SHISA9: variants seen among roughly 807,000 people sequenced by gnomAD.
The protein encoded by SHISA9 is protein shisa-9.
A neutral mutation model predicts 38.0 loss-of-function variants in SHISA9; 13 were observed. The ratio of observed to expected loss-of-function variants is 0.34; its 90% confidence interval spans 0.22 to 0.54. The LOEUF (loss-of-function observed/expected upper bound fraction) is 0.54, where lower values mean the gene tolerates loss of function less well. SHISA9 is among the 20% of genes least tolerant of loss of function. The probability of loss-of-function intolerance (pLI) is 0.91; values close to 1 mark genes in which losing one functional copy is unlikely to be tolerated. For synonymous variants in SHISA9, 275 were observed against 242.0 expected (o/e 1.14, Z -1.27); for missense variants, 538 against 575.8 (o/e 0.93, Z 0.67).
chr16:13,065,214 C>G (rs550194821), intron 2 of SHISA9, among the ~76,000 whole-genome samples: 2 of 152,298 alleles, frequency 1.3e-5, no homozygotes, highest in East Asian at 1.9e-4. Flanking sequence ...TGGCAATGAT[C>G]TCACTTTATT....
chr16:13,312,664 A>C, the SHISA9 span, among the ~76,000 whole-genome samples: 1 of 152,178 alleles, frequency 6.6e-6, no homozygotes, highest in African/African-American at 2.4e-5. Flanking sequence ...AATAGCAAAT[A>C]ATTTTCATAG....
chr16:13,178,794 T>C (rs878872172), intron 2 of SHISA9, among the ~76,000 whole-genome samples: 3 of 152,132 alleles, frequency 2.0e-5, no homozygotes, highest in Admixed American at 2.0e-4. Context: ...CATACATTAA[T>C]TAGCCAGCTT....
chr16:13,148,627 GAC>G (rs2050469284), intron 2 of SHISA9, among the ~76,000 whole-genome samples: 1 of 149,434 alleles, frequency 6.7e-6, no homozygotes, highest in Non-Finnish European at 1.5e-5. Flanking sequence ...ACATCTCATA[GAC>G]ACACACATTC....
chr16:13,542,524 G>C, the SHISA9 span, among the ~76,000 whole-genome samples: 1 of 152,202 alleles, frequency 6.6e-6, no homozygotes, highest in Admixed American at 6.5e-5. Context: ...GATAGATCAA[G>C]CTCACACCTG....
intron 2 of SHISA9, among the ~76,000 whole-genome samples, chr16:13,137,495 T>C (rs567044708): frequency 6.6e-6 from 1 of 151,996 alleles, no homozygotes; most frequent in African/African-American, 2.4e-5. Context: ...CTCAATCTGT[T>C]ACCAGGCTGG....
chr16:13,200,178 C>T (rs146697017), intron 2 of SHISA9, among the ~76,000 whole-genome samples: 1,644 of 152,202 alleles, frequency 0.011, 28 homozygotes, highest in African/African-American at 0.037. Flanking sequence ...TTATTTGCTT[C>T]TTCTTGTTCT....
At chr16:13,533,248 T>G in the SHISA9 span, among the ~76,000 whole-genome samples, 1 of 152,144 alleles carries the variant, frequency 6.6e-6, no homozygotes, top group African/African-American at 2.4e-5. Flanking sequence ...GGGGACACCT[T>G]TAACGCTCTT....
chr16:13,195,605 G>A (rs924069240), intron 2 of SHISA9, among the ~76,000 whole-genome samples: 1 of 152,120 alleles, frequency 6.6e-6, no homozygotes, highest in East Asian at 1.9e-4. Flanking sequence ...GAAAAAAGGG[G>A]AAAATAGAAT....
the SHISA9 span, among the ~76,000 whole-genome samples, chr16:13,450,811 A>C: frequency 1.3e-5 from 2 of 152,146 alleles, no homozygotes; most frequent in Non-Finnish European, 2.9e-5. Context: ...CTTCTTTAAC[A>C]TGTGCTAGCG....
At chr16:13,499,475 G>C in the SHISA9 span, among the ~76,000 whole-genome samples, 1 of 152,144 alleles carries the variant, frequency 6.6e-6, no homozygotes, top group Non-Finnish European at 1.5e-5. Flanking sequence ...TCTACAAATT[G>C]TGAGTACATA....
chr16:13,259,585 G>T, the SHISA9 span, among the ~76,000 whole-genome samples: 2 of 152,228 alleles, frequency 1.3e-5, no homozygotes, highest in African/African-American at 2.4e-5. Flanking sequence ...ATGCATCCAA[G>T]AGTTTCCACA....
At chr16:13,165,273 G>T (rs2050626108) in intron 2 of SHISA9, among the ~76,000 whole-genome samples, 2 of 151,868 alleles carry the variant, frequency 1.3e-5, no homozygotes, top group African/African-American at 4.8e-5. Context: ...TTCATATTTT[G>T]CTGTCTGTTT....
At chr16:13,400,557 A>G in the SHISA9 span, among the ~76,000 whole-genome samples, 2 of 152,332 alleles carry the variant, frequency 1.3e-5, no homozygotes, top group East Asian at 3.9e-4. Flanking sequence ...CACCATGTCT[A>G]ACAGGAGGGC....
At chr16:13,497,511 C>T in the SHISA9 span, among the ~76,000 whole-genome samples, 3 of 151,856 alleles carry the variant, frequency 2.0e-5, no homozygotes, top group Admixed American at 2.0e-4. Flanking sequence ...TGGTGAAACC[C>T]CATCTCTACA....
the SHISA9 span, among the ~76,000 whole-genome samples, chr16:13,303,898 C>G: frequency 6.6e-6 from 1 of 152,148 alleles, no homozygotes; most frequent in African/African-American, 2.4e-5. Flanking sequence ...TTCTTCTTCC[C>G]AGACTTAATC....
At chr16:13,049,307 A>C (rs529259280) in intron 2 of SHISA9, among the ~76,000 whole-genome samples, 1 of 152,142 alleles carries the variant, frequency 6.6e-6, no homozygotes, top group African/African-American at 2.4e-5. Context: ...ATCATCTCCA[A>C]GTCTCCCTTT....
chr16:13,197,104 T>TATATATATATAC (rs748572860), intron 2 of SHISA9, among the ~76,000 whole-genome samples: 5 of 106,494 alleles, frequency 4.7e-5, no homozygotes, highest in African/African-American at 2.2e-4. Flanking sequence ...TCTCTGTACA[T>TATATATATATAC]ACACACACAC....
intron 2 of SHISA9, among the ~76,000 whole-genome samples, chr16:12,990,122 T>C (rs956118770): frequency 6.6e-6 from 1 of 152,232 alleles, no homozygotes; most frequent in African/African-American, 2.4e-5. Flanking sequence ...ATTTCTTTTT[T>C]ATGGCTGCAC....
chr16:13,422,813 G>T, the SHISA9 span, among the ~76,000 whole-genome samples: 1 of 152,200 alleles, frequency 6.6e-6, no homozygotes, highest in South Asian at 2.1e-4. Flanking sequence ...TCATGACCTT[G>T]TGAGTGATCT....
Sources: allele counts gnomAD v4.1 joint callset (sites outside exome capture counted in the v4.1 genomes callset), GRCh38; gene constraint gnomAD v4.1.1; transcripts MANE v1.5; gene names NCBI Gene and HGNC (gene_info 2026-07-23, HGNC 2026-07-21).